The following DSCAM variants were observed in gnomAD, a reference collection of about 807,000 sequenced individuals.
The protein encoded by DSCAM is DS cell adhesion molecule.
In DSCAM, 47 loss-of-function variants were observed where a neutral mutation model predicts 217.7. The ratio of observed to expected loss-of-function variants is 0.22; its 90% confidence interval spans 0.17 to 0.28. The LOEUF is 0.28. Ranked by LOEUF, DSCAM falls within the 10% of genes least tolerant of loss-of-function variation. The probability of loss-of-function intolerance (pLI) is 1.00; values close to 1 mark genes in which losing one functional copy is unlikely to be tolerated. For synonymous variants in DSCAM, 1,056 were observed against 1,015.3 expected, an observed-to-expected ratio of 1.04 and a Z score of -0.76; for missense variants, 2,080 against 2,618.3, an observed-to-expected ratio of 0.79 and a Z score of 4.49.
chr21:40,828,312 G>T (rs941775702), intron 1 of DSCAM, among the ~76,000 whole-genome samples: 5 of 152,222 alleles, frequency 3.3e-5, no homozygotes, highest in African/African-American at 1.2e-4. Context: ...TTCTGGACAT[G>T]AATGGAGGTT....
chr21:40,182,322 G>A (rs2090814176), intron 14 of DSCAM, among the ~76,000 whole-genome samples: 1 of 152,062 alleles, frequency 6.6e-6, no homozygotes, highest in African/African-American at 2.4e-5. Context: ...TCCTCAGGGT[G>A]AACTAGGGGT....
At chr21:40,162,289 G>A (rs557290717) in intron 16 of DSCAM, among the ~76,000 whole-genome samples, 3 of 152,300 alleles carry the variant, frequency 2.0e-5, no homozygotes, top group East Asian at 1.9e-4. Flanking sequence ...ATGAGATAAT[G>A]CATGCAGAAG....
At chr21:40,251,508 G>T (rs2073304358) in intron 11 of DSCAM, among the ~76,000 whole-genome samples, 1 of 152,114 alleles carries the variant, frequency 6.6e-6, no homozygotes, top group African/African-American at 2.4e-5. Context: ...GTTTTAATTT[G>T]GGATAGAAGG....
At chr21:40,643,224 C>T (rs1417946946) in intron 3 of DSCAM, among the ~76,000 whole-genome samples, 1 of 152,206 alleles carries the variant, frequency 6.6e-6, no homozygotes, top group Non-Finnish European at 1.5e-5. Context: ...CTGAGTAAGA[C>T]AGATTGATAT....
chr21:40,767,950 C>T (rs2091410163), intron 1 of DSCAM, among the ~76,000 whole-genome samples: 1 of 151,844 alleles, frequency 6.6e-6, no homozygotes, highest in Admixed American at 6.6e-5. Flanking sequence ...ATGAGATATA[C>T]AGCATTTTAT....
At chr21:40,731,436 T>A (rs543360237) in intron 1 of DSCAM, among the ~76,000 whole-genome samples, 25 of 152,270 alleles carry the variant, frequency 1.6e-4, no homozygotes, top group African/African-American at 5.8e-4. Context: ...GCGGTGAGTA[T>A]ACTAGTTTGC....
intron 21 of DSCAM, among the ~76,000 whole-genome samples, chr21:40,088,022 A>C (rs2089554538): frequency 6.6e-6 from 1 of 152,240 alleles, no homozygotes; most frequent in African/African-American, 2.4e-5. Context: ...ACAAAAGCTG[A>C]CAGGGACACC....
intron 3 of DSCAM, among the ~76,000 whole-genome samples, chr21:40,555,198 C>T (rs2076661517): frequency 6.6e-6 from 1 of 152,204 alleles, no homozygotes; most frequent in African/African-American, 2.4e-5. Context: ...ACATCCATTA[C>T]ATGAGAAAGC....
At chr21:40,758,741 C>G (rs2091301181) in intron 1 of DSCAM, among the ~76,000 whole-genome samples, 1 of 151,928 alleles carries the variant, frequency 6.6e-6, no homozygotes, top group South Asian at 2.1e-4. Context: ...TGGGGGCTAA[C>G]CTGGCTCCTA....
At chr21:40,025,924 T>G in intron 32 of DSCAM, among the ~76,000 whole-genome samples, 1 of 149,686 alleles carries the variant, frequency 6.7e-6, no homozygotes, top group Non-Finnish European at 1.5e-5. Flanking sequence ...CTTTTGAATG[T>G]GTTTGCTCTT....
Position 40,075,109 on chromosome 21 carries a change from C to A in DSCAM, c.4816G>T (p.Val1606Phe), listed in dbSNP as rs565114141. ...LVTISCILVGVLLLFVLLLVV... is the reference protein window; with the variant it reads ...LVTISCILVGFLLLFVLLLVV... The stretch of plus-strand genomic sequence containing the variant: ...AGCAGGAGCACAAACAGCAGCAAGA[C>A]CCCCACCAGGATACAGGAGATGGTC... The change falls in exon 27 of 33, where the codon GTC becomes TTC. Residue 1606 changes from valine (V) to phenylalanine (F), a missense_variant. Physicochemically the swap from Val to Phe is conservative, Grantham distance 50. Around this residue, in one of 5 missense-constraint regions of DSCAM, gnomAD observed 1,144 missense variants for 1,421.1 expected, o/e 0.81. Coordinates refer to ENST00000400454, the MANE Select transcript of DSCAM (RefSeq NM_001389.5). 1.3e-4 allele frequency: 211 copies of A among 1,614,164 alleles called. 4 individuals are homozygous for A. The South Asian group carries it at 2.2e-3, about 17-fold the overall frequency.
intron 3 of DSCAM, among the ~76,000 whole-genome samples, chr21:40,522,349 C>T (rs567162800): frequency 3.7e-4 from 56 of 152,308 alleles, no homozygotes; most frequent in Non-Finnish European, 6.9e-4. Flanking sequence ...CAAAGCAATT[C>T]GTTCCACTTG....
chr21:40,074,413 G>A (rs1035973053), intron 27 of DSCAM, among the ~76,000 whole-genome samples: 2 of 152,316 alleles, frequency 1.3e-5, no homozygotes, highest in Admixed American at 6.5e-5. Flanking sequence ...GCAAGTAAGG[G>A]CTCTTGGCCA....
At chr21:40,599,027 G>C (rs1396425493) in intron 3 of DSCAM, among the ~76,000 whole-genome samples, 4 of 152,022 alleles carry the variant, frequency 2.6e-5, no homozygotes, top group Non-Finnish European at 5.9e-5. Flanking sequence ...CAGATCTTTT[G>C]TTCTTTTTTA....
intron 16 of DSCAM, among the ~76,000 whole-genome samples, chr21:40,146,007 T>C (rs1006654384): frequency 4.6e-5 from 7 of 152,076 alleles, no homozygotes; most frequent in African/African-American, 1.7e-4. Context: ...CATATGTATG[T>C]ATATACATAT....
At chr21:40,572,085 G>T (rs201716728) in intron 3 of DSCAM, among the ~76,000 whole-genome samples, 162 of 148,632 alleles carry the variant, frequency 1.1e-3, no homozygotes, top group East Asian at 8.4e-3. Flanking sequence ...TGTGTGTGTG[G>T]GTGTGTGTGT....
chr21:40,137,270 G>T (rs970057504), intron 18 of DSCAM, among the ~76,000 whole-genome samples: 149 of 147,076 alleles, frequency 1.0e-3, no homozygotes, highest in Non-Finnish European at 1.6e-3. Flanking sequence ...ATTGGGGGGG[G>T]GGTTCAAGTT....
intron 15 of DSCAM, 50 bp from the exon 16 acceptor site, chr21:40,167,338 G>C (rs1359786871): frequency 1.3e-6 from 2 of 1,559,418 alleles, no homozygotes; most frequent in Admixed American, 1.7e-5. Context: ...TTCCGGAGCA[G>C]ATCGAAGCCT....
intron 3 of DSCAM, among the ~76,000 whole-genome samples, chr21:40,556,381 C>T (rs2076671864): frequency 6.6e-6 from 1 of 151,860 alleles, no homozygotes; most frequent in Non-Finnish European, 1.5e-5. Context: ...AGTGTTCTTA[C>T]AATAAAGCAA....
Sources: allele counts gnomAD v4.1 joint callset (sites outside exome capture counted in the v4.1 genomes callset), GRCh38; gene constraint gnomAD v4.1.1; regional missense constraint gnomAD v4.1.1; transcripts MANE v1.5; gene names NCBI Gene and HGNC (gene_info 2026-07-23, HGNC 2026-07-21).